The following ACOT11 variants were observed in gnomAD, a reference collection of about 807,000 sequenced individuals.
The protein encoded by ACOT11 is acyl-CoA thioesterase 11.
A neutral mutation model predicts 77.5 loss-of-function variants in ACOT11; 69 were observed. That is an observed-to-expected ratio of 0.89 (90% CI 0.73 to 1.09). The LOEUF is 1.09. Among genes scored for constraint, ACOT11 ranks in the 50% least tolerant of loss-of-function variants. ACOT11 has a pLI of 0.00. For synonymous variants in ACOT11, 279 were observed against 313.0 expected (o/e 0.89, Z 1.15); for missense variants, 766 against 813.7 (o/e 0.94, Z 0.71).
chr1:54,601,156 T>TGCATGTGTGTGGGC, intron 8 of ACOT11, 113 bp from the exon 9 acceptor site: 1 of 1,269,028 alleles, frequency 7.9e-7, no homozygotes, highest in Non-Finnish European at 1.1e-6. Context: ...TGTGTGTGCA[T>TGCATGTGTGTGGGC]GCATGTGTGT....
At chr1:54,611,893 C>T, downstream of ACOT11, 1 of 879,006 alleles carries the variant, frequency 1.1e-6, no homozygotes, top group Non-Finnish European at 1.7e-6. Context: ...TGAGTCCTAC[C>T]CCTTCCCAAG....
intron 3 of ACOT11, among the ~76,000 whole-genome samples, chr1:54,586,342 C>T (rs1393165277): frequency 1.3e-5 from 2 of 151,978 alleles, no homozygotes; most frequent in African/African-American, 2.4e-5. Flanking sequence ...TTGGCAAAGT[C>T]GGAGCCAGAA....
chr1:54,596,544 G>C (rs1654905378), intron 6 of ACOT11, among the ~76,000 whole-genome samples: 1 of 152,162 alleles, frequency 6.6e-6, no homozygotes, highest in African/African-American at 2.4e-5. Flanking sequence ...CATCCTTTTT[G>C]AGAGCATATT....
At chr1:54,564,089 A>G (rs185622505) in intron 1 of ACOT11, among the ~76,000 whole-genome samples, 5,636 of 148,638 alleles carry the variant, frequency 0.038, 270 homozygotes, top group African/African-American at 0.13. Context: ...AAAATTAGCC[A>G]GGTGTGGTGG....
chr1:54,551,254 C>T (rs1467786660), intron 1 of ACOT11, among the ~76,000 whole-genome samples: 1 of 152,096 alleles, frequency 6.6e-6, no homozygotes, highest in Non-Finnish European at 1.5e-5. Flanking sequence ...ACAAGCCCCA[C>T]TTTGCATGGT....
chr1:54,574,459 C>T (rs1654033266), intron 1 of ACOT11, among the ~76,000 whole-genome samples: 1 of 152,210 alleles, frequency 6.6e-6, no homozygotes, highest in Admixed American at 6.5e-5. Context: ...GCAGGCCTGA[C>T]TCAGTCTCTC....
chr1:54,612,197 T>C (rs1702013), downstream of ACOT11, among the ~76,000 whole-genome samples: 57,987 of 151,214 alleles, frequency 0.38, 13,149 homozygotes, highest in Non-Finnish European at 0.53. Context: ...GCCCCAGGGG[T>C]ACAGCGGGCT....
exon 17 of ACOT11, chr1:54,637,804 T>G (rs929124021): frequency 6.6e-6 from 1 of 151,948 alleles, no homozygotes; most frequent in Non-Finnish European, 1.5e-5. Flanking sequence ...GAAGGCTTAG[T>G]GTGCAACTCA....
intron 1 of ACOT11, among the ~76,000 whole-genome samples, chr1:54,550,762 G>T (rs2100932272): frequency 6.6e-6 from 1 of 152,054 alleles, no homozygotes; most frequent in Non-Finnish European, 1.5e-5. Context: ...GGCGGAGGCT[G>T]CAGTGAGCCA....
intron 3 of ACOT11, among the ~76,000 whole-genome samples, chr1:54,591,364 A>C (rs1435984209): frequency 6.6e-6 from 1 of 152,218 alleles, no homozygotes; most frequent in East Asian, 1.9e-4. Flanking sequence ...ACCCAAGGTC[A>C]CACAGCTCTG....
intron 1 of ACOT11, among the ~76,000 whole-genome samples, chr1:54,555,571 G>A (rs1383972286): frequency 6.6e-6 from 1 of 152,026 alleles, no homozygotes; most frequent in Non-Finnish European, 1.5e-5. Flanking sequence ...GTGCAGAAGT[G>A]TTTTGGTATA....
At chr1:54,596,427 C>G (rs1413084731) in intron 6 of ACOT11, among the ~76,000 whole-genome samples, 1 of 152,252 alleles carries the variant, frequency 6.6e-6, no homozygotes. Context: ...ATCTGCTGCC[C>G]TGAAGCCCAG....
Position 54,605,099 on chromosome 1 carries a change from TGAC to T in ACOT11, c.1261_1263del (p.Asp421del). The T allele has an allele frequency of 6.2e-7, 1 of 1,613,908 alleles. No individual in the cohort carries two copies. The highest frequency in any genetic ancestry group is 8.5e-7 in the Non-Finnish European group (1 of 1,180,020). ...AGGTCCGCCTGTACACTCTGGAGGATGACAAGTTCCTCTCCTTCCACATGGAGA... is the reference window on the plus strand; with the variant it reads ...AGGTCCGCCTGTACACTCTGGAGGATAAGTTCCTCTCCTTCCACATGGAGA... On this transcript the variant is annotated inframe_deletion, in exon 13 of 16. Coordinates refer to ENST00000343744, the MANE Select transcript of ACOT11 (RefSeq NM_147161.4).
chr1:54,562,531 CGGGCGGGGGGCT>C (rs1252991367), intron 1 of ACOT11, among the ~76,000 whole-genome samples: 1 of 78,200 alleles, frequency 1.3e-5, no homozygotes, highest in Admixed American at 1.0e-4. Context: ...GGCGGCTGGC[CGGGCGGGGGGCT>C]GACCCACCCC....
At chr1:54,566,821 G>C (rs1202442658) in intron 1 of ACOT11, among the ~76,000 whole-genome samples, 1 of 152,162 alleles carries the variant, frequency 6.6e-6, no homozygotes, top group Non-Finnish European at 1.5e-5. Context: ...GACAGTCTTG[G>C]GATAGTTAGA....
At chr1:54,572,453 C>T (rs575007054) in intron 1 of ACOT11, among the ~76,000 whole-genome samples, 2 of 152,196 alleles carry the variant, frequency 1.3e-5, no homozygotes, top group Admixed American at 1.3e-4. Flanking sequence ...GGGAAGAGGC[C>T]GGGTCTGTCC....
chr1:54,568,694 T>TG (rs1653829222), intron 1 of ACOT11, among the ~76,000 whole-genome samples: 1 of 152,120 alleles, frequency 6.6e-6, no homozygotes, highest in African/African-American at 2.4e-5. Flanking sequence ...TGGCAGAGGC[T>TG]GGGGGGCCCA....
At chr1:54,599,952 C>T (rs1569749124) in intron 8 of ACOT11, among the ~76,000 whole-genome samples, 4 of 152,264 alleles carry the variant, frequency 2.6e-5, no homozygotes, top group South Asian at 2.1e-4. Context: ...GCCAGGCTGC[C>T]GGATTCGAGT....
At chr1:54,614,706 G>A, downstream of ACOT11, 2 of 1,612,686 alleles carry the variant, frequency 1.2e-6, no homozygotes, top group Non-Finnish European at 8.5e-7. Flanking sequence ...TCACTGTGTG[G>A]CATTGACCTC....
Sources: allele counts gnomAD v4.1 joint callset (sites outside exome capture counted in the v4.1 genomes callset), GRCh38; gene constraint gnomAD v4.1.1; transcripts MANE v1.5; gene names NCBI Gene and HGNC (gene_info 2026-07-23, HGNC 2026-07-21).